The following SEMA5B variants were observed in gnomAD, a reference collection of about 807,000 sequenced individuals.
SEMA5B encodes semaphorin-5B.
SEMA5B carries 66 observed loss-of-function variants against 135.0 expected under a neutral mutation model. That is an observed-to-expected ratio of 0.49 (90% CI 0.40 to 0.60). The LOEUF (loss-of-function observed/expected upper bound fraction) is 0.60. SEMA5B is among the 20% of genes least tolerant of loss of function. SEMA5B has a pLI of 0.00. For synonymous variants in SEMA5B, 690 were observed against 639.5 expected, an observed-to-expected ratio of 1.08 and a Z score of -1.19; for missense variants, 1,501 against 1,566.3, an observed-to-expected ratio of 0.96 and a Z score of 0.70.
chr3:123,006,052 G>A (rs1469441770), intron 1 of SEMA5B, among the ~76,000 whole-genome samples: 2 of 152,208 alleles, frequency 1.3e-5, no homozygotes, highest in African/African-American at 2.4e-5. Flanking sequence ...CAGTTCTCAC[G>A]AGACTCAAAA....
intron 2 of SEMA5B, among the ~76,000 whole-genome samples, chr3:122,956,060 G>A (rs1198609192): frequency 6.6e-6 from 1 of 152,230 alleles, no homozygotes; most frequent in East Asian, 1.9e-4. Flanking sequence ...ATGGGGAAGG[G>A]GGCACAGATG....
At chr3:122,926,737 G>A in intron 8 of SEMA5B, 60 bp from the exon 9 acceptor site, 7 of 1,574,584 alleles carry the variant, frequency 4.4e-6, no homozygotes, top group African/African-American at 1.3e-5. Context: ...AGATGGCAGA[G>A]TCGGGAGGAC....
intron 5 of SEMA5B, among the ~76,000 whole-genome samples, chr3:122,929,785 G>A (rs1938865794): frequency 6.6e-6 from 1 of 152,156 alleles, no homozygotes; most frequent in Non-Finnish European, 1.5e-5. Context: ...TAATGTGTCT[G>A]GGGACACAGC....
intron 1 of SEMA5B, chr3:122,976,060 C>T: frequency 6.5e-7 from 1 of 1,535,232 alleles, no homozygotes; most frequent in Non-Finnish European, 8.7e-7. Flanking sequence ...AATGCCAGCT[C>T]ATCTATGAAG....
chr3:122,914,885 T>TG lies in SEMA5B; in HGVS notation c.1988+554dup, dbSNP rs774027206. Among the ~76,000 whole-genome samples the TG allele has an allele frequency of 7.2e-5, 11 of 152,308 alleles. 2 individuals carry two copies. The highest frequency in any genetic ancestry group is 6.5e-5 in the Admixed American group (1 of 15,294). On this transcript the variant is annotated intron_variant, in intron 14 of 22. Transcript: ENST00000357599. ...ATGATCACACCACTTCACTCCAGCC[T>TG]GGGCAACAGAGTGAGACGCTGTCTC... is the stretch of plus-strand genomic sequence containing the variant.
At chr3:122,916,517 CT>C (rs943575520) in intron 12 of SEMA5B, among the ~76,000 whole-genome samples, 24 of 152,210 alleles carry the variant, frequency 1.6e-4, no homozygotes, top group Admixed American at 8.5e-4. Flanking sequence ...CTGGGATCCA[CT>C]ATACAACCTT....
chr3:122,999,039 G>C (rs1469357060), intron 1 of SEMA5B, among the ~76,000 whole-genome samples: 1 of 152,146 alleles, frequency 6.6e-6, no homozygotes, highest in Non-Finnish European at 1.5e-5. Context: ...AACAGCTAGT[G>C]ATGGAGTCGG....
chr3:122,940,288 C>A (rs966010324), intron 4 of SEMA5B, among the ~76,000 whole-genome samples: 2 of 152,204 alleles, frequency 1.3e-5, no homozygotes, highest in East Asian at 1.9e-4. Context: ...AGAAGGCCAC[C>A]ATGCACAGAC....
intron 1 of SEMA5B, among the ~76,000 whole-genome samples, chr3:122,970,650 G>A (rs1191864102): frequency 6.6e-6 from 1 of 152,180 alleles, no homozygotes; most frequent in African/African-American, 2.4e-5. Context: ...CTATTAAATG[G>A]CAAATATTTC....
chr3:122,992,204 G>A (rs1941900724), intron 1 of SEMA5B, among the ~76,000 whole-genome samples: 1 of 152,162 alleles, frequency 6.6e-6, no homozygotes. Context: ...AAGAGTTCCC[G>A]TGCCCTTTCC....
At chr3:122,911,870 G>C in intron 20 of SEMA5B, 50 bp downstream of exon 20, 1 of 1,537,254 alleles carries the variant, frequency 6.5e-7, no homozygotes. Context: ...AGGAAGTTGG[G>C]AGTGCAGGCT....
chr3:122,956,574 C>T (rs562381444), intron 2 of SEMA5B, among the ~76,000 whole-genome samples: 52 of 152,212 alleles, frequency 3.4e-4, no homozygotes, highest in South Asian at 8.3e-4. Context: ...CGAAGGATGA[C>T]GGAGACAGAG....
intron 1 of SEMA5B, among the ~76,000 whole-genome samples, chr3:123,003,812 C>A (rs371477779): frequency 2.0e-5 from 3 of 149,846 alleles, no homozygotes; most frequent in African/African-American, 5.0e-5. Flanking sequence ...CCAGCCTGGG[C>A]GACAGAGCGA....
chr3:122,929,096 G>A, intron 5 of SEMA5B, 38 bp from the exon 6 acceptor site: 1 of 1,574,902 alleles, frequency 6.3e-7, no homozygotes, highest in African/African-American at 1.3e-5. Flanking sequence ...ACATCACATG[G>A]CTGTGTCATT....
At chr3:122,975,977 C>G in intron 1 of SEMA5B, 1 of 1,534,080 alleles carries the variant, frequency 6.5e-7, no homozygotes, top group Non-Finnish European at 8.7e-7. Context: ...TCTAGAAACT[C>G]TTCATGTCAT....
chr3:122,975,315 G>C (rs1456069551), intron 1 of SEMA5B: 2 of 152,660 alleles, frequency 1.3e-5, no homozygotes, highest in African/African-American at 4.8e-5. Context: ...CTGCGCCTCA[G>C]CCTTGGCAGA....
intron 1 of SEMA5B, among the ~76,000 whole-genome samples, chr3:123,023,993 G>A (rs1282798389): frequency 6.6e-6 from 1 of 152,176 alleles, no homozygotes; most frequent in Non-Finnish European, 1.5e-5. Flanking sequence ...TATAGGTGGT[G>A]GGGCACCAGA....
chr3:122,964,264 A>G lies in SEMA5B; in HGVS notation c.-38-2963T>C, dbSNP rs1940721089. Among the ~76,000 whole-genome samples, 6 of 152,178 alleles carry G rather than the reference A, an allele frequency of 3.9e-5. No individual in the cohort carries two copies. In the South Asian group the frequency reaches 1.2e-3, roughly 32 times the overall value. ...CCCATTGTCGAGTCCTGGCACCTGT[A>G]CCTCAGTGGATCCCAACCCCAGATG... is the stretch of plus-strand genomic sequence containing the variant. On this transcript the variant is annotated intron_variant, in intron 1 of 22. Transcript: ENST00000357599.
chr3:122,940,954 C>T (rs1368819191), intron 4 of SEMA5B, among the ~76,000 whole-genome samples: 1 of 152,230 alleles, frequency 6.6e-6, no homozygotes, highest in Non-Finnish European at 1.5e-5. Flanking sequence ...AACATTGCAT[C>T]ACTTTATTCA....
Sources: gnomAD v4.1 joint callset for allele counts (sites outside exome capture counted in the v4.1 genomes callset) on GRCh38, gnomAD v4.1.1 for gene constraint, MANE v1.5 for transcripts, NCBI Gene and HGNC (gene_info 2026-07-23, HGNC 2026-07-21) for gene names.